The following ADK variants were observed in gnomAD, a reference collection of about 807,000 sequenced individuals.
The protein encoded by ADK is N6,N6-dimethyladenosine kinase.
Under a neutral mutation model 44.7 loss-of-function variants are expected in ADK, and 24 were observed. The observed-to-expected ratio is 0.54, with a 90% confidence interval of 0.39 to 0.76. The LOEUF (loss-of-function observed/expected upper bound fraction) is 0.76, where lower values mean the gene tolerates loss of function less well. ADK is among the 30% of genes least tolerant of loss of function. The probability of loss-of-function intolerance (pLI) is 0.00; values close to 1 mark genes in which losing one functional copy is unlikely to be tolerated. For missense variants in ADK, 321 were observed against 425.1 expected (o/e 0.76, Z 2.15); for synonymous variants, 128 against 142.6 (o/e 0.90, Z 0.73).
At chr10:74,265,681 C>CT (rs1298977940) in intron 3 of ADK, among the ~76,000 whole-genome samples, 1 of 152,184 alleles carries the variant, frequency 6.6e-6, no homozygotes, top group Non-Finnish European at 1.5e-5. Flanking sequence ...CACTTAAAAT[C>CT]TAATTTTCAC....
chr10:74,392,254 G>T (rs1843361257), intron 4 of ADK, among the ~76,000 whole-genome samples: 1 of 151,998 alleles, frequency 6.6e-6, no homozygotes, highest in African/African-American at 2.4e-5. Context: ...TTTAGTAGTG[G>T]CTGTACCATG....
intron 1 of ADK, among the ~76,000 whole-genome samples, chr10:74,159,106 G>A (rs75502949): frequency 0.017 from 2,573 of 152,230 alleles, 78 homozygotes; most frequent in African/African-American, 0.058. Flanking sequence ...TTTTGGCTTC[G>A]TACCATTTCT....
At chr10:74,687,113 A>C (rs61862570) in intron 10 of ADK, among the ~76,000 whole-genome samples, 64,151 of 152,130 alleles carry the variant, frequency 0.42, 15,766 homozygotes, top group Middle Eastern at 0.59. Flanking sequence ...GTAAGGATTC[A>C]TTAAGTGTTA....
intron 6 of ADK, among the ~76,000 whole-genome samples, chr10:74,430,783 G>A (rs1449474095): frequency 2.0e-5 from 3 of 151,884 alleles, no homozygotes; most frequent in African/African-American, 4.8e-5. Context: ...CCATACAGCT[G>A]TTTGGGGAAA....
chr10:74,370,454 A>G (rs896835269), intron 4 of ADK, among the ~76,000 whole-genome samples: 2 of 152,154 alleles, frequency 1.3e-5, no homozygotes, highest in East Asian at 3.8e-4. Flanking sequence ...ATATATAGCA[A>G]TTATTGTTAT....
intron 4 of ADK, among the ~76,000 whole-genome samples, chr10:74,325,439 T>A (rs1334896124): frequency 1.3e-5 from 2 of 152,238 alleles, no homozygotes; most frequent in African/African-American, 2.4e-5. Flanking sequence ...ACAAGAACAA[T>A]TTAATTTCTA....
intron 6 of ADK, among the ~76,000 whole-genome samples, chr10:74,484,313 C>T (rs1358903391): frequency 1.3e-5 from 2 of 152,106 alleles, no homozygotes; most frequent in South Asian, 2.1e-4. Context: ...ATTGAGAACT[C>T]GCTCATTATC....
At chr10:74,401,641 CA>C (rs1313113807) in intron 6 of ADK, among the ~76,000 whole-genome samples, 1 of 152,038 alleles carries the variant, frequency 6.6e-6, no homozygotes, top group African/African-American at 2.4e-5. Context: ...TGTGTCTCTG[CA>C]TGTGAGATGG....
intron 9 of ADK, among the ~76,000 whole-genome samples, chr10:74,612,941 T>G (rs1852610813): frequency 6.6e-6 from 1 of 152,032 alleles, no homozygotes; most frequent in South Asian, 2.1e-4. Flanking sequence ...GGTTGTAGGT[T>G]TGTGGGTTTA....
At chr10:74,298,110 C>T (rs1839881583) in intron 3 of ADK, among the ~76,000 whole-genome samples, 1 of 152,098 alleles carries the variant, frequency 6.6e-6, no homozygotes, top group African/African-American at 2.4e-5. Flanking sequence ...GTTTATTATG[C>T]CCTTCTAAAG....
intron 10 of ADK, among the ~76,000 whole-genome samples, chr10:74,675,295 C>T (rs938072871): frequency 6.6e-6 from 1 of 152,178 alleles, no homozygotes; most frequent in Admixed American, 6.5e-5. Flanking sequence ...TATATGACTA[C>T]ATCATGGATT....
At chr10:74,455,501 TG>T in intron 6 of ADK, among the ~76,000 whole-genome samples, 1 of 139,706 alleles carries the variant, frequency 7.2e-6, no homozygotes, top group Non-Finnish European at 1.6e-5. Flanking sequence ...TATGAAATTC[TG>T]GGTTGAAAAT....
chr10:74,167,509 TTCAC>T (rs1161133791), intron 1 of ADK, among the ~76,000 whole-genome samples: 1 of 152,216 alleles, frequency 6.6e-6, no homozygotes, highest in African/African-American at 2.4e-5. Context: ...CTTATCTTTA[TTCAC>T]TCACCTTATG....
At chr10:74,279,299 A>C (rs1400018671) in intron 3 of ADK, among the ~76,000 whole-genome samples, 1 of 150,006 alleles carries the variant, frequency 6.7e-6, no homozygotes, top group Non-Finnish European at 1.5e-5. Context: ...AACAAAAAAT[A>C]AAAATTGAGG....
At chr10:74,297,036 A>C (rs113042037) in intron 3 of ADK, among the ~76,000 whole-genome samples, 2 of 152,230 alleles carry the variant, frequency 1.3e-5, no homozygotes, top group Non-Finnish European at 2.9e-5. Context: ...GTAGCTACCC[A>C]ATGGAAAACT....
chr10:74,534,461 A>G (rs2133690378), intron 7 of ADK, among the ~76,000 whole-genome samples: 1 of 152,334 alleles, frequency 6.6e-6, no homozygotes, highest in Admixed American at 6.5e-5. Flanking sequence ...CTTATATTTA[A>G]GTAGCAATGT....
At chr10:74,326,330 G>A (rs1165432497) in intron 4 of ADK, among the ~76,000 whole-genome samples, 4 of 151,978 alleles carry the variant, frequency 2.6e-5, no homozygotes, top group African/African-American at 9.7e-5. Context: ...AGGGTGTGTT[G>A]GCTTACGCCA....
chr10:74,207,802 G>A (rs1306147363), intron 2 of ADK, among the ~76,000 whole-genome samples: 1 of 152,158 alleles, frequency 6.6e-6, no homozygotes, highest in Non-Finnish European at 1.5e-5. Context: ...GCTTCAGGCT[G>A]TCCCTGGCTT....
intron 6 of ADK, among the ~76,000 whole-genome samples, chr10:74,399,902 C>A (rs571488775): frequency 3.3e-5 from 5 of 152,132 alleles, no homozygotes; most frequent in African/African-American, 1.2e-4. Flanking sequence ...GTTGTTCAAT[C>A]CTGAATTGTG....
Sources: gnomAD v4.1 joint callset for allele counts (sites outside exome capture counted in the v4.1 genomes callset) on GRCh38, gnomAD v4.1.1 for gene constraint, MANE v1.5 for transcripts, NCBI Gene and HGNC (gene_info 2026-07-23, HGNC 2026-07-21) for gene names.